MAST3: variants seen among roughly 807,000 people sequenced by gnomAD.
MAST3 encodes microtubule-associated serine/threonine-protein kinase 3.
In MAST3, 43 loss-of-function variants were observed where a neutral mutation model predicts 127.0. The observed-to-expected ratio is 0.34, with a 90% CI of 0.27 to 0.44. MAST3 has a LOEUF of 0.44. MAST3 is among the 20% of genes least tolerant of loss of function. MAST3 has a pLI of 1.00. For missense variants in MAST3, 1,390 were observed against 1,919.1 expected (o/e 0.72, Z 5.15); for synonymous variants, 785 against 809.2 (o/e 0.97, Z 0.51).
At chr19:18,121,000 T>A (rs273480) in intron 3 of MAST3, among the ~76,000 whole-genome samples, 1 of 152,102 alleles carries the variant, frequency 6.6e-6, no homozygotes, top group Non-Finnish European at 1.5e-5. Context: ...GGATTACAGG[T>A]GTGAGTCACC....
intron 7 of MAST3, 70 bp downstream of exon 7, chr19:18,123,444 CTCCT>C: frequency 1.3e-6 from 2 of 1,519,656 alleles, no homozygotes; most frequent in Non-Finnish European, 1.8e-6. Flanking sequence ...GTTGTGGCTC[CTCCT>C]TCACCCCAGC....
chr19:18,139,513 T>C (rs1381872281), intron 20 of MAST3, among the ~76,000 whole-genome samples: 1 of 152,040 alleles, frequency 6.6e-6, no homozygotes, highest in Non-Finnish European at 1.5e-5. Context: ...TTAATAGAGA[T>C]GGGGTTTCAC....
rs768569511 is a variant in MAST3, at chr19:18,135,736, T to G, written c.1871-4T>G. On this transcript the variant is annotated splice_polypyrimidine_tract_variant and splice_region_variant and intron_variant, in intron 17 of 27. Transcript: ENST00000687212. ...CCTCATTTTACCTCCCTCCCTCATT[T>G]TAGATGAGATCATGTGGCCAGAGGG... 6.2e-7 allele frequency: 1 copy of G among 1,607,724 alleles called. No homozygotes were observed. The highest frequency in any genetic ancestry group is 1.1e-5 in the South Asian group (1 of 90,014).
chr19:18,129,922 C>CAAAAA (rs58948738), intron 13 of MAST3, among the ~76,000 whole-genome samples: 12 of 116,528 alleles, frequency 1.0e-4, no homozygotes, highest in Admixed American at 2.8e-4. Flanking sequence ...GAGACCATCT[C>CAAAAA]AAAAAAAAAA....
At chr19:18,134,227 T>A (rs544216055) in intron 15 of MAST3, among the ~76,000 whole-genome samples, 6 of 151,724 alleles carry the variant, frequency 4.0e-5, no homozygotes, top group Admixed American at 1.3e-4. Flanking sequence ...TAAAAAAATA[T>A]ATATATATAT....
In MAST3 at chr19:18,131,549, A is replaced by G. The variant is rs1222258933; in HGVS notation, c.1433-360A>G. Among the ~76,000 whole-genome samples the G allele has an allele frequency of 2.2e-5, 3 of 137,280 alleles. 1 individual carries two copies. The highest frequency in any genetic ancestry group is 4.9e-5 in the Non-Finnish European group (3 of 61,800). The allele number at this position is 137,280 out of a possible 152,430, so 90.1% of individuals were successfully genotyped here. A position where few individuals can be genotyped will look rare whatever the true frequency, so the allele number is the denominator to read the frequency against. Reference sequence around the variant, plus strand: ...CCCCATCTCTACTAAGAATACAAAAATTAGCTGGGTGTGGTGGTGTGCGCC... The same window carrying G: ...CCCCATCTCTACTAAGAATACAAAAGTTAGCTGGGTGTGGTGGTGTGCGCC... On this transcript the variant is annotated intron_variant, in intron 14 of 27. Coordinates refer to ENST00000687212, the MANE Select transcript of MAST3 (RefSeq NM_001393504.1).
rs557288188 is a variant in MAST3, at chr19:18,151,131, A to C, written c.*1405A>C. 6.6e-6 allele frequency: 1 copy of C among 152,372 alleles called. No individual in the cohort carries two copies. Among genetic ancestry groups the C allele is most frequent in the South Asian group, 2.1e-4 (1 of 4,832 alleles). 9.4% of individuals were successfully genotyped at this position (152,372 alleles called of 1,614,324 possible). A position where few individuals can be genotyped will look rare whatever the true frequency, so the allele number is the denominator to read the frequency against. On this transcript the variant is annotated 3_prime_UTR_variant, in exon 28 of 28. Transcript: ENST00000687212. ...AAGCCAGAAAACCCAGTCGAGGCTC[A>C]AGTTTGAATTTCAGCTTCACTGTGT...
chr19:18,099,040 A>C, intron 1 of MAST3: 1 of 297,970 alleles, frequency 3.4e-6, no homozygotes, highest in South Asian at 2.8e-5. Context: ...AGAGGTTGAC[A>C]GAAGCTGGAA....
chr19:18,106,010 C>T (rs183352808), intron 1 of MAST3, among the ~76,000 whole-genome samples: 85 of 152,232 alleles, frequency 5.6e-4, no homozygotes, highest in Non-Finnish European at 8.4e-4. Flanking sequence ...TCTCTGTTTT[C>T]TCAACAGATT....
At chr19:18,134,041 T>G (rs963108045) in intron 15 of MAST3, among the ~76,000 whole-genome samples, 1 of 152,102 alleles carries the variant, frequency 6.6e-6, no homozygotes, top group African/African-American at 2.4e-5. Context: ...GAATTCACTG[T>G]GTATAACCAT....
At chr19:18,139,152 T>C in intron 20 of MAST3, 28 bp downstream of exon 20, 1 of 1,475,214 alleles carries the variant, frequency 6.8e-7, no homozygotes, top group Non-Finnish European at 9.3e-7. Flanking sequence ...GGGGAGCCAC[T>C]GCTCAGAAAA....
Position 18,149,815 on chromosome 19 carries a change from G to C in MAST3, c.*89G>C. On this transcript the variant is annotated 3_prime_UTR_variant, in exon 28 of 28. Coordinates refer to ENST00000687212, the MANE Select transcript of MAST3 (RefSeq NM_001393504.1). The surrounding 1 kb of genome is among the most constrained non-coding windows in gnomAD (Gnocchi z 5.9). ...AAAGTCATGCCTGGATGGGGACTGA[G>C]CCACCAGCCTGACACCCAGAAGGCG... 1 of 1,553,610 alleles carries C rather than the reference G, an allele frequency of 6.4e-7. No homozygotes were observed. Among genetic ancestry groups the C allele is most frequent in the South Asian group, 1.2e-5 (1 of 86,196 alleles).
chr19:18,135,770 C>T lies in MAST3; in HGVS notation c.1901C>T (p.Ala634Val). The change falls in exon 18 of 28, where the codon GCC becomes GTC. Residue 634 changes from alanine (A) to valine (V), a missense_variant. This residue lies in a region of MAST3 where 191 missense variants were observed against 409.0 expected (regional missense o/e 0.47). Transcript: ENST00000687212. ...ATCATGTGGCCAGAGGGAGATGAGG[C>T]CCTTCCAGCAGACGCCCAGGACCTC... ...DEIMWPEGDE[A>V]LPADAQDLIT... The T allele has an allele frequency of 1.2e-6, 2 of 1,612,282 alleles. No homozygotes were observed. The highest frequency in any genetic ancestry group is 1.7e-6 in the Non-Finnish European group (2 of 1,179,136).
At chr19:18,105,320 C>T (rs2037982971) in intron 1 of MAST3, among the ~76,000 whole-genome samples, 1 of 151,936 alleles carries the variant, frequency 6.6e-6, no homozygotes, top group Non-Finnish European at 1.5e-5. Flanking sequence ...TGAGCCAAGA[C>T]TGCACCACTG....
At position 18,135,441 on chromosome 19, in the gene MAST3, G is replaced by A. The variant is rs273500; in HGVS notation, c.1871-299G>A. ...GATTGTGCCACTGCACTCCAGCCTG[G>A]GTGACAGAGCGAGACTCCATCTCAA... On this transcript the variant is annotated intron_variant, in intron 17 of 27. Coordinates refer to ENST00000687212, the MANE Select transcript of MAST3 (RefSeq NM_001393504.1). Among the ~76,000 whole-genome samples the A allele has an allele frequency of 3.9e-3, 593 of 152,218 alleles. 5 individuals are homozygous for A. The highest frequency in any genetic ancestry group is 0.014 in the African/African-American group (564 of 41,522).
At chr19:18,101,371 C>CCTT (rs2037604539) in intron 1 of MAST3, among the ~76,000 whole-genome samples, 5 of 141,272 alleles carry the variant, frequency 3.5e-5, no homozygotes, top group African/African-American at 1.3e-4. Flanking sequence ...TTCTCCTTCT[C>CCTT]CTCCTCCTCC....
chr19:18,108,696 TA>T (rs1307448283), intron 2 of MAST3, among the ~76,000 whole-genome samples: 1 of 152,098 alleles, frequency 6.6e-6, no homozygotes, highest in African/African-American at 2.4e-5. Flanking sequence ...CCCCAAATCT[TA>T]GAGAACATTA....
chr19:18,116,090 C>CTTT (rs3048876), intron 3 of MAST3, among the ~76,000 whole-genome samples: 25,830 of 86,056 alleles, frequency 0.3, 6,448 homozygotes, highest in Non-Finnish European at 0.34. Context: ...TTGAAATTAT[C>CTTT]TTTTTTTTTT....
intron 25 of MAST3, among the ~76,000 whole-genome samples, chr19:18,146,384 A>G (rs2043012350): frequency 6.6e-6 from 1 of 152,170 alleles, no homozygotes; most frequent in African/African-American, 2.4e-5. Context: ...GGTTGAGGCC[A>G]TAGTGAGCTG....
Sources: allele counts gnomAD v4.1 joint callset (sites outside exome capture counted in the v4.1 genomes callset), GRCh38; gene constraint gnomAD v4.1.1; regional missense constraint gnomAD v4.1.1; non-coding constraint Gnocchi (gnomAD v3.1); transcripts MANE v1.5; gene names NCBI Gene and HGNC (gene_info 2026-07-23, HGNC 2026-07-21).